Variants in GRIK2 observed in about 807,000 individuals in gnomAD.
The protein encoded by GRIK2 is glutamate receptor ionotropic, kainate 2.
GRIK2 carries 32 observed loss-of-function variants against 100.3 expected under a neutral mutation model. The observed-to-expected ratio is 0.32, with a 90% confidence interval of 0.24 to 0.43. GRIK2 has a LOEUF of 0.43. Among genes scored for constraint, GRIK2 ranks in the 20% least tolerant of loss-of-function variants. The probability of loss-of-function intolerance (pLI) is 1.00; values close to 1 mark genes in which losing one functional copy is unlikely to be tolerated. For synonymous variants in GRIK2, 417 were observed against 389.4 expected (o/e 1.07, Z -0.83); for missense variants, 843 against 1,114.9 (o/e 0.76, Z 3.47).
intron 6 of GRIK2, among the ~76,000 whole-genome samples, chr6:101,683,113 G>T (rs970015364): frequency 6.6e-6 from 1 of 151,934 alleles, no homozygotes; most frequent in Admixed American, 6.6e-5. Context: ...TGAGACAGGA[G>T]AATTGCTTGG....
At chr6:101,663,625 G>A (rs943722065) in intron 4 of GRIK2, among the ~76,000 whole-genome samples, 25 of 152,158 alleles carry the variant, frequency 1.6e-4, no homozygotes, top group Admixed American at 9.8e-4. Context: ...AAAGATGCCC[G>A]TTTGGTGAAA....
At chr6:101,419,936 C>G (rs990303716) in intron 2 of GRIK2, among the ~76,000 whole-genome samples, 3 of 152,158 alleles carry the variant, frequency 2.0e-5, no homozygotes, top group South Asian at 2.1e-4. Flanking sequence ...CCTCAAGCAG[C>G]CTTTCCTAAT....
At chr6:101,730,731 A>T (rs569764212) in intron 7 of GRIK2, among the ~76,000 whole-genome samples, 1 of 151,814 alleles carries the variant, frequency 6.6e-6, no homozygotes, top group East Asian at 1.9e-4. Flanking sequence ...TAGAGAAAAG[A>T]TAAAGAGATA....
intron 2 of GRIK2, among the ~76,000 whole-genome samples, chr6:101,462,657 T>C (rs540281965): frequency 7.9e-5 from 12 of 152,330 alleles, no homozygotes; most frequent in African/African-American, 2.2e-4. Context: ...CCTGTGCCTG[T>C]GTTTGTAGCA....
intron 10 of GRIK2, among the ~76,000 whole-genome samples, chr6:101,827,857 CAGAATT>C (rs1178949792): frequency 6.6e-6 from 1 of 151,946 alleles, no homozygotes; most frequent in Non-Finnish European, 1.5e-5. Flanking sequence ...ACACCACTGA[CAGAATT>C]AGAGAGACGA....
intron 14 of GRIK2, among the ~76,000 whole-genome samples, chr6:101,972,308 G>A (rs1329612353): frequency 6.6e-6 from 1 of 152,018 alleles, no homozygotes; most frequent in African/African-American, 2.4e-5. Context: ...ACGGGTGTGA[G>A]ATGGTATCTT....
At chr6:101,601,035 C>T (rs1340851446) in intron 2 of GRIK2, among the ~76,000 whole-genome samples, 2 of 151,520 alleles carry the variant, frequency 1.3e-5, no homozygotes, top group Admixed American at 1.3e-4. Flanking sequence ...AAACTTTTGC[C>T]CATTTGGTAT....
intron 7 of GRIK2, among the ~76,000 whole-genome samples, chr6:101,714,116 G>A (rs1329301759): frequency 6.6e-6 from 1 of 151,670 alleles, no homozygotes; most frequent in Non-Finnish European, 1.5e-5. Flanking sequence ...ATTATTTGCA[G>A]GGGTCATACA....
At chr6:101,777,601 T>C (rs949104718) in intron 7 of GRIK2, among the ~76,000 whole-genome samples, 3 of 152,214 alleles carry the variant, frequency 2.0e-5, no homozygotes, top group African/African-American at 7.2e-5. Flanking sequence ...GGATTTTTTT[T>C]TATTATTTTC....
In GRIK2 at chr6:101,542,844, C is replaced by CT. The variant is rs111811681; in HGVS notation, c.116-79105_116-79104insT. Among the ~76,000 whole-genome samples the CT allele has an allele frequency of 6.6e-5, 10 of 151,920 alleles. 1 individual carries two copies. The highest frequency in any genetic ancestry group is 2.4e-4 in the African/African-American group (10 of 41,446). On this transcript the variant is annotated intron_variant, in intron 2 of 16. Transcript: ENST00000369134. ...AAGAATGCTACACCAATAATTATGCCCTTTTTTTGTTTTGAATGTCATCAA... is the reference window on the plus strand; with the variant it reads ...AAGAATGCTACACCAATAATTATGCCTCTTTTTTTGTTTTGAATGTCATCAA...
chr6:101,753,297 A>AAAAG (rs561507986), intron 7 of GRIK2, among the ~76,000 whole-genome samples: 8,680 of 147,156 alleles, frequency 0.059, 300 homozygotes, highest in Middle Eastern at 0.098. Flanking sequence ...AAAAAAAAAA[A>AAAAG]AAAAAGAAAA....
intron 7 of GRIK2, among the ~76,000 whole-genome samples, chr6:101,708,163 A>C (rs1245612403): frequency 2.0e-5 from 3 of 151,768 alleles, no homozygotes; most frequent in Non-Finnish European, 4.4e-5. Context: ...TAGTAGATGG[A>C]ATCTTTTATT....
chr6:101,869,160 C>T (rs1272921609), intron 11 of GRIK2, among the ~76,000 whole-genome samples: 4 of 151,832 alleles, frequency 2.6e-5, no homozygotes, highest in Non-Finnish European at 4.4e-5. Flanking sequence ...TGTAACACCA[C>T]ACGTGACCAA....
chr6:101,551,104 ACT>A (rs1776489787), intron 2 of GRIK2, among the ~76,000 whole-genome samples: 3 of 152,114 alleles, frequency 2.0e-5, no homozygotes, highest in African/African-American at 7.2e-5. Context: ...ACTTCTCCCT[ACT>A]CTGTTATCCT....
In GRIK2 at chr6:102,066,355, G is replaced by A. The variant is rs568882484; in HGVS notation, c.2563-1992G>A. 4.0e-5 allele frequency among the ~76,000 whole-genome samples: 6 copies of A among 151,444 alleles called. No individual in the cohort carries two copies. In the South Asian group the frequency reaches 1.0e-3, roughly 26 times the overall value. ...AAGAGCTTATGTGTGTACAAGCAGT[G>A]CCGTGAGAACTTGACCTCTGCTCTA... On this transcript the variant is annotated intron_variant, in intron 16 of 16. Transcript: ENST00000369134.
intron 7 of GRIK2, among the ~76,000 whole-genome samples, chr6:101,736,108 T>C (rs1775615548): frequency 6.6e-6 from 1 of 152,210 alleles, no homozygotes. Context: ...GTCATGTTGA[T>C]GTAAGATGTG....
intron 7 of GRIK2, among the ~76,000 whole-genome samples, chr6:101,766,454 T>TG (rs1335087857): frequency 2.6e-5 from 4 of 152,166 alleles, no homozygotes; most frequent in African/African-American, 9.6e-5. Flanking sequence ...GAGCACCTGT[T>TG]GAAGTTCTAT....
At chr6:101,427,239 C>T (rs1381961781) in intron 2 of GRIK2, among the ~76,000 whole-genome samples, 2 of 152,186 alleles carry the variant, frequency 1.3e-5, no homozygotes, top group Non-Finnish European at 2.9e-5. Flanking sequence ...TTCTTGACAC[C>T]GCTCCTCCCA....
intron 2 of GRIK2, among the ~76,000 whole-genome samples, chr6:101,615,316 T>C (rs1319854648): frequency 1.3e-5 from 2 of 151,812 alleles, no homozygotes; most frequent in African/African-American, 4.8e-5. Context: ...AGAATGATTT[T>C]CTTAGATGAT....
Sources: allele counts gnomAD v4.1 joint callset (sites outside exome capture counted in the v4.1 genomes callset), GRCh38; gene constraint gnomAD v4.1.1; transcripts MANE v1.5; gene names NCBI Gene and HGNC (gene_info 2026-07-23, HGNC 2026-07-21).